Variants in HIGD1C observed in about 807,000 individuals in gnomAD.
The protein encoded by HIGD1C is HIG1 domain family member 1C.
A neutral mutation model predicts 13.1 loss-of-function variants in HIGD1C; 11 were observed. The observed-to-expected ratio is 0.84, with a 90% CI of 0.53 to 1.39. HIGD1C has a LOEUF of 1.39. Ranked by LOEUF, HIGD1C falls within the 40% of genes most tolerant of loss-of-function variation. HIGD1C has a pLI of 0.00. For synonymous variants in HIGD1C, 36 were observed against 37.7 expected, an observed-to-expected ratio of 0.95 and a Z score of 0.17; for missense variants, 110 against 112.0, an observed-to-expected ratio of 0.98 and a Z score of 0.08.
Position 50,968,102 on chromosome 12 carries a change from A to AAGGAGG in HIGD1C, c.230-2319_230-2314dup, listed in dbSNP as rs35382142. Among the ~76,000 whole-genome samples the AAGGAGG allele has an allele frequency of 6.1e-5, 9 of 147,354 alleles. No homozygotes were observed. In the East Asian group the frequency reaches 1.2e-3, roughly 19 times the overall value. ...CATTGTCTCAAATAATAAGAAGAAGAAGGAGGAGGAGGAGGAGGAGGAGGA... is the reference window on the plus strand; with the variant it reads ...CATTGTCTCAAATAATAAGAAGAAGAAGGAGGAGGAGGAGGAGGAGGAGGAGGAGGA... On this transcript the variant is annotated intron_variant, in intron 2 of 2. Coordinates refer to ENST00000398455, the Ensembl canonical transcript of HIGD1C.
intron 2 of HIGD1C, among the ~76,000 whole-genome samples, chr12:50,963,875 A>G (rs1939441575): frequency 6.6e-6 from 1 of 152,202 alleles, no homozygotes; most frequent in African/African-American, 2.4e-5. Flanking sequence ...GCCCTTGTCA[A>G]CTTGACATCC....
intron 2 of HIGD1C, among the ~76,000 whole-genome samples, chr12:50,968,764 A>T: frequency 6.6e-6 from 1 of 150,710 alleles, no homozygotes; most frequent in East Asian, 2.0e-4. Flanking sequence ...CTGGTCTCAA[A>T]CTCCTGACCT....
chr12:50,961,524 T>C (rs985262855), intron 2 of HIGD1C, among the ~76,000 whole-genome samples: 2 of 152,100 alleles, frequency 1.3e-5, no homozygotes. Flanking sequence ...ATTTTTAGAG[T>C]CCACAAATCT....
the HIGD1C span, among the ~76,000 whole-genome samples, chr12:50,948,843 G>T: frequency 1.0e-5 from 1 of 96,018 alleles, no homozygotes; most frequent in African/African-American, 4.5e-5. Context: ...CTGCACTCCA[G>T]CCTGGCGACA....
chr12:50,943,572 A>C, the HIGD1C span, among the ~76,000 whole-genome samples: 2 of 151,902 alleles, frequency 1.3e-5, no homozygotes, highest in African/African-American at 4.8e-5. Flanking sequence ...TAGCCAGGTG[A>C]GGTGGCGGGC....
the HIGD1C span, chr12:50,934,926 C>T: frequency 6.6e-6 from 1 of 152,076 alleles, no homozygotes; most frequent in Non-Finnish European, 1.5e-5. Flanking sequence ...CACAAAGGTA[C>T]ATTAAAATGT....
At chr12:50,968,111 G>A (rs1939611011) in intron 2 of HIGD1C, among the ~76,000 whole-genome samples, 2 of 151,882 alleles carry the variant, frequency 1.3e-5, no homozygotes, top group Non-Finnish European at 2.9e-5. Context: ...GAAGGAGGAG[G>A]AGGAGGAGGA....
At chr12:50,943,451 C>A in the HIGD1C span, among the ~76,000 whole-genome samples, 1 of 152,162 alleles carries the variant, frequency 6.6e-6, no homozygotes, top group Non-Finnish European at 1.5e-5. Context: ...TGGCTCACAC[C>A]TGTAATCCCA....
At chr12:50,946,833 C>T in the HIGD1C span, among the ~76,000 whole-genome samples, 1 of 152,268 alleles carries the variant, frequency 6.6e-6, no homozygotes, top group South Asian at 2.1e-4. Context: ...GGGTGCAGCA[C>T]ACCAGCATGG....
At chr12:50,961,922 G>T (rs1939345318) in intron 2 of HIGD1C, among the ~76,000 whole-genome samples, 1 of 152,146 alleles carries the variant, frequency 6.6e-6, no homozygotes. Context: ...TTACTACAAA[G>T]TTACAGTCCT....
chr12:50,941,296 T>C, the HIGD1C span, among the ~76,000 whole-genome samples: 2 of 152,200 alleles, frequency 1.3e-5, no homozygotes, highest in Non-Finnish European at 2.9e-5. Context: ...CCTGCCCCAA[T>C]TTTTTAAATG....
chr12:50,964,902 A>G (rs1939483347), intron 2 of HIGD1C, among the ~76,000 whole-genome samples: 1 of 152,106 alleles, frequency 6.6e-6, no homozygotes, highest in South Asian at 2.1e-4. Context: ...TTTTTCAAAG[A>G]CTTTTTGTAG....
intron 2 of HIGD1C, among the ~76,000 whole-genome samples, chr12:50,963,461 C>A (rs1169432979): frequency 6.7e-6 from 1 of 149,926 alleles, no homozygotes; most frequent in African/African-American, 2.5e-5. Flanking sequence ...TAGAACAATA[C>A]ACAGGACAGA....
chr12:50,938,099 C>A, the HIGD1C span, among the ~76,000 whole-genome samples: 2 of 152,122 alleles, frequency 1.3e-5, no homozygotes, highest in African/African-American at 4.8e-5. Flanking sequence ...GGAAACTGAA[C>A]TTCCTCCCTC....
chr12:50,960,531 A>C (rs1006648074), intron 1 of HIGD1C, among the ~76,000 whole-genome samples: 2 of 152,100 alleles, frequency 1.3e-5, no homozygotes, highest in African/African-American at 4.8e-5. Context: ...GGCTCATTTT[A>C]AAGTCTGGTA....
intron 2 of HIGD1C, among the ~76,000 whole-genome samples, chr12:50,968,978 C>A (rs535419700): frequency 6.6e-6 from 1 of 152,100 alleles, no homozygotes; most frequent in African/African-American, 2.4e-5. Context: ...CACCACGCAC[C>A]GCATTTATAT....
chr12:50,949,644 C>T (rs1938855973), upstream of HIGD1C, among the ~76,000 whole-genome samples: 1 of 150,406 alleles, frequency 6.6e-6, no homozygotes, highest in Non-Finnish European at 1.5e-5. Flanking sequence ...AGCTATTCTC[C>T]TGCCTCAGCC....
the HIGD1C span, among the ~76,000 whole-genome samples, chr12:50,933,171 A>G: frequency 6.6e-6 from 1 of 152,246 alleles, no homozygotes; most frequent in South Asian, 2.1e-4. Flanking sequence ...CAAGTTACTG[A>G]GCAAGTCTTA....
downstream of HIGD1C, among the ~76,000 whole-genome samples, chr12:50,972,506 T>TG (rs973424994): frequency 6.6e-6 from 1 of 152,206 alleles, no homozygotes; most frequent in Non-Finnish European, 1.5e-5. Context: ...TGCCATGTTC[T>TG]GGGGTGGTTC....
Sources: gnomAD v4.1 joint callset for allele counts (sites outside exome capture counted in the v4.1 genomes callset) on GRCh38, gnomAD v4.1.1 for gene constraint, MANE v1.5 for transcripts, NCBI Gene and HGNC (gene_info 2026-07-23, HGNC 2026-07-21) for gene names.